Variants in TNFRSF1A observed in about 807,000 individuals in gnomAD.
TNFRSF1A encodes the protein TNF receptor superfamily member 1A.
In TNFRSF1A, 9 loss-of-function variants were observed where a neutral mutation model predicts 41.6. The ratio of observed to expected loss-of-function variants is 0.22; its 90% CI spans 0.13 to 0.38. The LOEUF is 0.38. TNFRSF1A is among the 10% of genes least tolerant of loss of function. The pLI is 1.00. For missense variants in TNFRSF1A, 463 were observed against 591.5 expected, an observed-to-expected ratio of 0.78 and a Z score of 2.25; for synonymous variants, 254 against 248.6, an observed-to-expected ratio of 1.02 and a Z score of -0.21.
At chr12:6,338,741 G>A (rs527330020) in intron 1 of TNFRSF1A, among the ~76,000 whole-genome samples, 12 of 152,114 alleles carry the variant, frequency 7.9e-5, no homozygotes, top group African/African-American at 2.2e-4. Flanking sequence ...CCGTCCTCCC[G>A]AGCTCAGTCT....
Position 6,329,507 on chromosome 12 carries a change from C to A in TNFRSF1A, c.1173G>T (p.Gln391His). 1 of 1,595,342 alleles carries A rather than the reference C, an allele frequency of 6.3e-7. No individual in the cohort carries two copies. Among genetic ancestry groups the A allele is most frequent in the Non-Finnish European group, 8.5e-7 (1 of 1,178,210 alleles). Reference sequence around the variant, plus strand: ...GCGCCTCGCGCAGGCAGCGCCCGTTCTGCAGCTCCAGCCGATCGATCTCGT... The same window carrying A: ...GCGCCTCGCGCAGGCAGCGCCCGTTATGCAGCTCCAGCCGATCGATCTCGT... ...SDHEIDRLELQNGRCLREAQY... is the reference protein window; with the variant it reads ...SDHEIDRLELHNGRCLREAQY... Residue 391 changes from glutamine to histidine, a missense_variant, in exon 10 of 10, where the codon CAG (glutamine) becomes CAT (histidine). Transcript: ENST00000162749.
In TNFRSF1A at chr12:6,334,279, G is replaced by C; in HGVS notation, c.40-35C>G. 1 of 1,596,628 alleles carries C rather than the reference G, an allele frequency of 6.3e-7. No homozygotes were observed. Among genetic ancestry groups the C allele is most frequent in the South Asian group, 1.1e-5 (1 of 90,436 alleles). On this transcript the variant is annotated intron_variant, in intron 1 of 9. Coordinates refer to ENST00000162749, the MANE Select transcript of TNFRSF1A (RefSeq NM_001065.4). The surrounding 1 kb of genome is among the most constrained non-coding windows in gnomAD (Gnocchi z 5.1). The stretch of plus-strand genomic sequence containing the variant: ...AATCAGATAGAGGAGACACCATCAA[G>C]AGAGGGAGGGATGGGAAGCTTAGGG...
Position 6,333,980 on chromosome 12 carries a change from A to T in TNFRSF1A, c.193+111T>A. The stretch of plus-strand genomic sequence containing the variant: ...AGTCTCTAGGAGAGGAGGGAGGGAG[A>T]AAATCCCAGCCCAGGAGAGACAGCA... On this transcript the variant is annotated intron_variant, in intron 2 of 9. Coordinates refer to ENST00000162749, the MANE Select transcript of TNFRSF1A (RefSeq NM_001065.4). This position sits in a 1 kb window ranked among gnomAD's most constrained non-coding sequence, Gnocchi z 6.3. 1 of 1,611,008 alleles carries T rather than the reference A, an allele frequency of 6.2e-7. No individual in the cohort carries two copies. Among genetic ancestry groups the T allele is most frequent in the Non-Finnish European group, 8.5e-7 (1 of 1,177,644 alleles).
At position 6,334,323 on chromosome 12, in the gene TNFRSF1A, C is replaced by T. The variant is rs1314765687; in HGVS notation, c.40-79G>A. On this transcript the variant is annotated intron_variant, in intron 1 of 9. Coordinates refer to ENST00000162749, the MANE Select transcript of TNFRSF1A (RefSeq NM_001065.4). The surrounding 1 kb of genome is among the most constrained non-coding windows in gnomAD (Gnocchi z 5.1). ...CTTAGGGGTAGCAGATCTAAAACTT[C>T]CCTGGCTCAAGTCCTTCCTCAGTGA... 1 of 1,345,640 alleles carries T rather than the reference C, an allele frequency of 7.4e-7. No individual in the cohort carries two copies. The highest frequency in any genetic ancestry group is 1.9e-5 in the Admixed American group (1 of 53,108). 83.4% of individuals were successfully genotyped at this position (1,345,640 alleles called of 1,614,324 possible). A position where few individuals can be genotyped will look rare whatever the true frequency, so the allele number is the denominator to read the frequency against.
At position 6,334,048 on chromosome 12, in the gene TNFRSF1A, C is replaced by T; in HGVS notation, c.193+43G>A. 1 of 1,613,836 alleles carries T rather than the reference C, an allele frequency of 6.2e-7. No homozygotes were observed. The highest frequency in any genetic ancestry group is 8.5e-7 in the Non-Finnish European group (1 of 1,179,712). On this transcript the variant is annotated intron_variant, in intron 2 of 9. Transcript: ENST00000162749. The surrounding 1 kb of genome is among the most constrained non-coding windows in gnomAD (Gnocchi z 5.1). ...CTGGAAGAAGCAGAGAAAGAAGCAG[C>T]ACCCCAGACCTGAGGGCATTCACCG... is the stretch of plus-strand genomic sequence containing the variant.
In TNFRSF1A at chr12:6,341,896, G is replaced by T; in HGVS notation, c.-82C>A. On this transcript the variant is annotated 5_prime_UTR_variant, in exon 1 of 10. Transcript: ENST00000162749. The surrounding 1 kb of genome is among the most constrained non-coding windows in gnomAD (Gnocchi z 4.6). ...GCAGTGCTGGGGCTTCCCGGGACTC[G>T]GTCTGTCCAGGACGTCCCAAGTGCC... The T allele has an allele frequency of 6.6e-7, 1 of 1,512,060 alleles. No individual in the cohort carries two copies. The allele number at this position is 1,512,060 out of a possible 1,614,324, so 93.7% of individuals were successfully genotyped here.
Position 6,329,831 on chromosome 12 carries a change from G to C in TNFRSF1A, c.1004C>G (p.Pro335Arg), listed in dbSNP as rs150408610. 1.9e-6 allele frequency: 3 copies of C among 1,605,056 alleles called. No homozygotes were observed. Among genetic ancestry groups the C allele is most frequent in the African/African-American group, 2.7e-5 (2 of 74,832 alleles). Residue 335 changes from proline to arginine, a missense_variant, in exon 9 of 10, where the codon CCC becomes CGC. By Grantham distance (103) the Pro-to-Arg change is moderately radical. Coordinates refer to ENST00000162749, the MANE Select transcript of TNFRSF1A (RefSeq NM_001065.4). ...LATALASDPI[P>R]NPLQKWEDSA... The stretch of plus-strand genomic sequence containing the variant: ...GTCCTCCCACTTCTGAAGGGGGTTG[G>C]GGATGGGGTCGGAGGCGAGGGCTGT...
intron 7 of TNFRSF1A, 113 bp downstream of exon 7, chr12:6,330,485 G>C: frequency 9.9e-7 from 1 of 1,011,710 alleles, no homozygotes; most frequent in Non-Finnish European, 1.5e-6. Flanking sequence ...AGAGTCCCCA[G>C]CGGTATGAAC....
chr12:6,329,720 C>T (rs1271865913), intron 9 of TNFRSF1A, 58 bp downstream of exon 9: 5 of 1,549,192 alleles, frequency 3.2e-6, no homozygotes, highest in Non-Finnish European at 4.4e-6. Context: ...GGGAGCGCCT[C>T]CCGCGCTCCC....
At chr12:6,335,976 T>C (rs1948115409) in intron 1 of TNFRSF1A, among the ~76,000 whole-genome samples, 2 of 152,126 alleles carry the variant, frequency 1.3e-5, no homozygotes, top group Admixed American at 1.3e-4. Context: ...CCGTGCCACC[T>C]CTGCTGAGAA....
At position 6,330,615 on chromosome 12, in the gene TNFRSF1A, G is replaced by A. The variant is rs1233980955; in HGVS notation, c.722C>T (p.Ser241Phe). ...GLMYRYQRWKSKLYSIVCGKS... is the reference protein window; with the variant it reads ...GLMYRYQRWKFKLYSIVCGKS... ...CCACTCACCAATGGAGTAGAGCTTG[G>A]ACTTCCACCGTTGGTAGCGATACAT... Residue 241 changes from serine to phenylalanine, a missense_variant, in exon 7 of 10, where the codon TCC becomes TTC. This residue lies in a region of TNFRSF1A where 149 missense variants were observed against 239.4 expected (regional missense o/e 0.62). Transcript: ENST00000162749. The A allele has an allele frequency of 4.3e-6, 7 of 1,613,086 alleles. No individual in the cohort carries two copies. The African/African-American group carries it at 9.3e-5, about 22-fold the overall frequency.
chr12:6,339,073 A>G (rs372753541), intron 1 of TNFRSF1A, among the ~76,000 whole-genome samples: 2 of 151,840 alleles, frequency 1.3e-5, no homozygotes, highest in Non-Finnish European at 2.9e-5. Context: ...ACTCCCTCTA[A>G]TTCTCCCATT....
rs1948042104 is a variant in TNFRSF1A, at chr12:6,330,889, G to A, written c.589C>T (p.Pro197Ser). The A allele has an allele frequency of 6.2e-7, 1 of 1,613,602 alleles. No homozygotes were observed. Among genetic ancestry groups the A allele is most frequent in the African/African-American group, 1.3e-5 (1 of 74,898 alleles). Residue 197 changes from proline (P) to serine (S), a missense_variant, in exon 6 of 10, where the codon CCC becomes TCC. Physicochemically the swap from Pro to Ser is moderately conservative, Grantham distance 74 (BLOSUM62 -1). Coordinates refer to ENST00000162749, the MANE Select transcript of TNFRSF1A (RefSeq NM_001065.4). Reference protein sequence around the residue: ...KSLECTKLCLPQIENVKGTED... With the variant: ...KSLECTKLCLSQIENVKGTED... ...GTGCCCTTAACATTCTCAATCTGGG[G>A]TAGGCACAACTTCGTGCACTCCAGG...
At chr12:6,330,770 T>C (rs1948040087) in intron 6 of TNFRSF1A, 59 bp from the exon 7 acceptor site, 10 of 1,576,558 alleles carry the variant, frequency 6.3e-6, no homozygotes, top group South Asian at 5.5e-5. Flanking sequence ...CAGGGATAGA[T>C]GGATGGGTGG....
rs750532640 is a variant in TNFRSF1A at position 6,332,000 on chromosome 12, C to CAAA, written c.551+1066_551+1068dup. 1,042 of 78,246 alleles carry CAAA rather than the reference C, an allele frequency of 0.013. 22 individuals are homozygous for CAAA. The highest frequency in any genetic ancestry group is 0.024 in the South Asian group (218 of 9,072). 4.8% of individuals were successfully genotyped at this position (78,246 alleles called of 1,614,324 possible). On this transcript the variant is annotated intron_variant, in intron 5 of 9. Transcript: ENST00000162749. ...TGGGCGACAGAGCAGGACTCTGTGT[C>CAAA]AAAAAAAAAAAAAAAAAAAAAAAAG...
intron 1 of TNFRSF1A, among the ~76,000 whole-genome samples, chr12:6,339,841 T>TCTCTCTCTCTCA (rs762783221): frequency 7.0e-5 from 8 of 113,652 alleles, no homozygotes; most frequent in African/African-American, 3.2e-4. Flanking sequence ...TCTCTCTCTC[T>TCTCTCTCTCTCA]CACACACACA....
rs1435731870 is a variant in TNFRSF1A, at chr12:6,341,565, A to G, written c.39+211T>C. ...ACTCTCTCCCTTTCAAACTTCTCCCATTCCCCTGCCTCAGCGCAGCCCCTA... is the reference window on the plus strand; with the variant it reads ...ACTCTCTCCCTTTCAAACTTCTCCCGTTCCCCTGCCTCAGCGCAGCCCCTA... On this transcript the variant is annotated intron_variant, in intron 1 of 9. Transcript: ENST00000162749. This position sits in a 1 kb window ranked among gnomAD's most constrained non-coding sequence, Gnocchi z 4.6. Among the ~76,000 whole-genome samples, 1 of 152,154 alleles carries G rather than the reference A, an allele frequency of 6.6e-6. No homozygotes were observed. The highest frequency in any genetic ancestry group is 1.5e-5 in the Non-Finnish European group (1 of 68,020).
At chr12:6,335,477 AC>A (rs1948108876) in intron 1 of TNFRSF1A, among the ~76,000 whole-genome samples, 1 of 152,018 alleles carries the variant, frequency 6.6e-6, no homozygotes, top group Non-Finnish European at 1.5e-5. Context: ...TCTCAGGCCA[AC>A]CCCACAGCAG....
Position 6,341,731 on chromosome 12 carries a change from G to C in TNFRSF1A, c.39+45C>G. On this transcript the variant is annotated intron_variant, in intron 1 of 9. Coordinates refer to ENST00000162749, the MANE Select transcript of TNFRSF1A (RefSeq NM_001065.4). This position sits in a 1 kb window ranked among gnomAD's most constrained non-coding sequence, Gnocchi z 4.6. ...GGAGAGGGCCCACGCCAGCCGGAAG[G>C]TGCCTCGCCCACCAGCCCACTCTTC... The C allele has an allele frequency of 1.2e-6, 2 of 1,611,892 alleles. No individual in the cohort carries two copies. Among genetic ancestry groups the C allele is most frequent in the Admixed American group, 1.7e-5 (1 of 59,992 alleles).
Sources: allele counts gnomAD v4.1 joint callset (sites outside exome capture counted in the v4.1 genomes callset), GRCh38; gene constraint gnomAD v4.1.1; regional missense constraint gnomAD v4.1.1; non-coding constraint Gnocchi (gnomAD v3.1); transcripts MANE v1.5; gene names NCBI Gene and HGNC (gene_info 2026-07-23, HGNC 2026-07-21).